KAZN: variants seen among roughly 807,000 people sequenced by gnomAD.
KAZN encodes kazrin, periplakin interacting protein.
In KAZN, 40 loss-of-function variants were observed where a neutral mutation model predicts 87.4. The observed-to-expected ratio is 0.46, with a 90% confidence interval of 0.36 to 0.60. KAZN has a LOEUF of 0.60. KAZN is among the 20% of genes least tolerant of loss of function. The pLI, the probability that KAZN is intolerant of heterozygous loss-of-function variation, is 0.00. For synonymous variants in KAZN, 466 were observed against 458.3 expected, an observed-to-expected ratio of 1.02 and a Z score of -0.22; for missense variants, 898 against 1,073.9, an observed-to-expected ratio of 0.84 and a Z score of 2.29.
chr1:14,223,015 AG>A (rs1484952906), intron 2 of KAZN: 3 of 152,312 alleles, frequency 2.0e-5, no homozygotes, highest in Non-Finnish European at 4.4e-5. Context: ...AAAAATATAA[AG>A]AGAACTCTAA....
At chr1:14,608,774 A>C (rs1677577497) in intron 1 of KAZN, among the ~76,000 whole-genome samples, 1 of 152,238 alleles carries the variant, frequency 6.6e-6, no homozygotes, top group South Asian at 2.1e-4. Flanking sequence ...CCGTTGTATC[A>C]TCTTCGCAGC....
chr1:14,500,975 G>T (rs537198946), intron 2 of KAZN, among the ~76,000 whole-genome samples: 2 of 151,756 alleles, frequency 1.3e-5, no homozygotes, highest in Admixed American at 1.3e-4. Flanking sequence ...ACAAAGAAAA[G>T]CCCAGGCCCA....
At chr1:14,129,686 A>G (rs980932118) in intron 1 of KAZN, among the ~76,000 whole-genome samples, 1 of 152,092 alleles carries the variant, frequency 6.6e-6, no homozygotes, top group East Asian at 1.9e-4. Context: ...ACACTTGTCC[A>G]TTGTCCATTT....
At chr1:14,496,561 T>C (rs1329354798) in intron 2 of KAZN, among the ~76,000 whole-genome samples, 1 of 151,880 alleles carries the variant, frequency 6.6e-6, no homozygotes, top group Non-Finnish European at 1.5e-5. Flanking sequence ...TTATTATTGC[T>C]GTTGAAAAGG....
At chr1:14,479,489 G>A (rs534717535) in intron 2 of KAZN, among the ~76,000 whole-genome samples, 6 of 152,276 alleles carry the variant, frequency 3.9e-5, no homozygotes, top group East Asian at 1.9e-4. Flanking sequence ...CCCTGCTAGT[G>A]GTTTGCTCTC....
At chr1:14,575,491 A>C (rs1029474723) in intron 2 of KAZN, among the ~76,000 whole-genome samples, 1 of 152,184 alleles carries the variant, frequency 6.6e-6, no homozygotes, top group East Asian at 1.9e-4. Context: ...CCATGATTCA[A>C]TTATCTCCCA....
intron 8 of KAZN, among the ~76,000 whole-genome samples, chr1:15,085,280 C>A (rs935327259): frequency 2.6e-5 from 4 of 152,168 alleles, no homozygotes; most frequent in Non-Finnish European, 5.9e-5. Flanking sequence ...TTAAATACAA[C>A]TAAAACTCAG....
intron 2 of KAZN, among the ~76,000 whole-genome samples, chr1:14,365,373 G>GC (rs1384128569): frequency 2.7e-5 from 4 of 148,910 alleles, no homozygotes; most frequent in East Asian, 2.0e-4. Flanking sequence ...CGGGGTGGGG[G>GC]GGGGGGGGGT....
chr1:14,720,841 C>T (rs1193429255), intron 1 of KAZN, among the ~76,000 whole-genome samples: 1 of 152,094 alleles, frequency 6.6e-6, no homozygotes, highest in Non-Finnish European at 1.5e-5. Flanking sequence ...CTCAGCCTCC[C>T]GAGTACCTGG....
At position 15,094,214 on chromosome 1, in the gene KAZN, C is replaced by A. The variant is rs760814305; in HGVS notation, c.1257C>A (p.Ser419Arg). The change falls in exon 9 of 15, where the codon AGC becomes AGA. Residue 419 changes from serine (S) to arginine (R), a missense_variant. Physicochemically the swap from Ser to Arg is moderately radical, Grantham distance 110. Around this residue, in one of 3 missense-constraint regions of KAZN, gnomAD observed 521 missense variants for 689.4 expected, o/e 0.76. Coordinates refer to ENST00000376030, the MANE Select transcript of KAZN (RefSeq NM_201628.3). The surrounding 1 kb of genome is among the most constrained non-coding windows in gnomAD (Gnocchi z 4.5). Reference sequence around the variant, plus strand: ...GCCAGTGCAGCCCCACGCGGCAGAGCCTCAGCCTGTCGGAAGGCGAGGAGC... The same window carrying A: ...GCCAGTGCAGCCCCACGCGGCAGAGACTCAGCCTGTCGGAAGGCGAGGAGC... ...SDSQCSPTRQ[S>R]LSLSEGEEQM... 1.2e-5 allele frequency: 19 copies of A among 1,613,642 alleles called. No homozygotes were observed. Among genetic ancestry groups the A allele is most frequent in the Admixed American group, 3.3e-5 (2 of 60,000 alleles).
intron 1 of KAZN, among the ~76,000 whole-genome samples, chr1:14,140,142 G>T (rs754309045): frequency 4.6e-5 from 7 of 152,078 alleles, no homozygotes; most frequent in Non-Finnish European, 1.0e-4. Context: ...GATGTACAGG[G>T]TAGTCCTTAA....
At chr1:14,700,314 A>G (rs552150397) in intron 1 of KAZN, among the ~76,000 whole-genome samples, 1 of 152,248 alleles carries the variant, frequency 6.6e-6, no homozygotes, top group Admixed American at 6.5e-5. Context: ...TCTACTAAAA[A>G]TACAAAAATT....
At chr1:14,713,605 C>A (rs556772800) in intron 1 of KAZN, among the ~76,000 whole-genome samples, 1 of 151,936 alleles carries the variant, frequency 6.6e-6, no homozygotes, top group East Asian at 1.9e-4. Flanking sequence ...GTACAGAGGA[C>A]GGCCCTCACA....
chr1:14,639,852 GCTC>G (rs1278519084), intron 1 of KAZN, among the ~76,000 whole-genome samples: 1 of 152,130 alleles, frequency 6.6e-6, no homozygotes, highest in African/African-American at 2.4e-5. Flanking sequence ...TGCCTGCAGG[GCTC>G]CTCGTCTCCA....
chr1:15,027,924 G>T (rs1329023774), intron 2 of KAZN, among the ~76,000 whole-genome samples: 2 of 152,258 alleles, frequency 1.3e-5, no homozygotes, highest in Non-Finnish European at 2.9e-5. Flanking sequence ...AGGAAGAAAG[G>T]TCTGTGGTGG....
At chr1:14,271,470 G>A (rs1308505433) in intron 2 of KAZN, among the ~76,000 whole-genome samples, 1 of 152,180 alleles carries the variant, frequency 6.6e-6, no homozygotes, top group Non-Finnish European at 1.5e-5. Context: ...CTAAAGAGTT[G>A]CAAGGTATAA....
chr1:14,071,888 G>A (rs1375249122), intron 1 of KAZN, among the ~76,000 whole-genome samples: 1 of 152,192 alleles, frequency 6.6e-6, no homozygotes, highest in Admixed American at 6.5e-5. Flanking sequence ...CAAGAATTCT[G>A]CTCCTCCCAA....
rs71631706 is a variant in KAZN at position 15,056,243 on chromosome 1, C to T, written c.879C>T (p.Leu293=). Residue 293 remains leucine (L), a synonymous_variant, in exon 5 of 15, where the codon CTC becomes CTT. Transcript: ENST00000376030. The surrounding 1 kb of genome is among the most constrained non-coding windows in gnomAD (Gnocchi z 5.4). The stretch of plus-strand genomic sequence containing the variant: ...CCATCCGGCAGAGTCAACAGACTCT[C>T]TACCACTCACACCCCCCTCACCCTG... The part of the protein sequence containing the change: ...TAAIRQSQQT[L]YHSHPPHPAD... 1 of 1,612,864 alleles carries T rather than the reference C, an allele frequency of 6.2e-7. No individual in the cohort carries two copies. The highest frequency in any genetic ancestry group is 8.5e-7 in the Non-Finnish European group (1 of 1,179,026).
rs141205014 is a variant in KAZN at position 14,884,832 on chromosome 1, G to T, written c.227-75852G>T. On this transcript the variant is annotated intron_variant, in intron 1 of 14. Transcript: ENST00000376030. ...TTCCCCCACACAGTTTTTCATAACT[G>T]AGCAGGAAGTGTTGTTATCTCAGAG... 8.4e-3 allele frequency among the ~76,000 whole-genome samples: 1,275 copies of T among 152,302 alleles called. 18 individuals are homozygous for T. Among genetic ancestry groups the T allele is most frequent in the African/African-American group, 0.028 (1,163 of 41,574 alleles).
Sources: allele counts gnomAD v4.1 joint callset (sites outside exome capture counted in the v4.1 genomes callset), GRCh38; gene constraint gnomAD v4.1.1; regional missense constraint gnomAD v4.1.1; non-coding constraint Gnocchi (gnomAD v3.1); transcripts MANE v1.5; gene names NCBI Gene and HGNC (gene_info 2026-07-23, HGNC 2026-07-21).